FOXO1: variants seen among roughly 807,000 people sequenced by gnomAD.
FOXO1 encodes the protein forkhead box protein O1.
In FOXO1, 6 loss-of-function variants were observed where a neutral mutation model predicts 44.1. That is an observed-to-expected ratio of 0.14 (90% CI 0.07 to 0.27). FOXO1 has a LOEUF of 0.27. Ranked by LOEUF, FOXO1 falls within the 10% of genes least tolerant of loss-of-function variation. FOXO1 has a pLI of 1.00. For synonymous variants in FOXO1, 380 were observed against 362.7 expected (o/e 1.05, Z -0.54); for missense variants, 737 against 888.8 (o/e 0.83, Z 2.17).
chr13:40,583,210 C>T (rs1187422060), intron 1 of FOXO1, among the ~76,000 whole-genome samples: 4 of 152,152 alleles, frequency 2.6e-5, no homozygotes, highest in African/African-American at 7.2e-5. Context: ...ATTCAGTAAG[C>T]CATGCTGTAA....
At chr13:40,568,551 C>T (rs1021452085) in intron 1 of FOXO1, among the ~76,000 whole-genome samples, 2 of 152,178 alleles carry the variant, frequency 1.3e-5, no homozygotes. Flanking sequence ...CTTTTGCCAA[C>T]CCTTTTTTTA....
Position 40,666,205 on chromosome 13 carries a change from T to G in FOXO1, c.8A>C (p.Glu3Ala). The change falls in exon 1 of 3, where the codon GAG (glutamate) becomes GCG (alanine). Residue 3 changes from glutamate (E) to alanine (A), a missense_variant. By Grantham distance (107) the Glu-to-Ala change is moderately radical. This residue lies in a region of FOXO1 where 213 missense variants were observed against 236.4 expected (regional missense o/e 0.90). Coordinates refer to ENST00000379561, the MANE Select transcript of FOXO1 (RefSeq NM_002015.4). MA[E>A]APQVVEIDPD... The stretch of plus-strand genomic sequence containing the variant: ...GTCGATCTCCACCACCTGAGGCGCC[T>G]CGGCCATGGTGACCCCCGCCCCTCC... 7.0e-7 allele frequency: 1 copy of G among 1,432,404 alleles called. No individual in the cohort carries two copies. The highest frequency in any genetic ancestry group is 9.1e-7 in the Non-Finnish European group (1 of 1,093,902). The allele number at this position is 1,432,404 out of a possible 1,614,324, so 88.7% of individuals were successfully genotyped here. A position where few individuals can be genotyped will look rare whatever the true frequency, so the allele number is the denominator to read the frequency against.
chr13:40,584,996 G>A (rs1321008278), intron 1 of FOXO1, among the ~76,000 whole-genome samples: 1 of 152,196 alleles, frequency 6.6e-6, no homozygotes, highest in Non-Finnish European at 1.5e-5. Flanking sequence ...GGTAGATTCT[G>A]ATTTAACAAG....
Position 40,558,055 on chromosome 13 carries a change from T to C in FOXO1, c.*994A>G, listed in dbSNP as rs909477745. ...AATATGCAAGTACTAATTACAATGATTTAAGATTAGTCAGAAACATCACTA... is the reference window on the plus strand; with the variant it reads ...AATATGCAAGTACTAATTACAATGACTTAAGATTAGTCAGAAACATCACTA... On this transcript the variant is annotated 3_prime_UTR_variant, in exon 3 of 3. Transcript: ENST00000379561. 2 of 152,648 alleles carry C rather than the reference T, an allele frequency of 1.3e-5. No individual in the cohort carries two copies. Among genetic ancestry groups the C allele is most frequent in the South Asian group, 2.1e-4 (1 of 4,832 alleles). 9.5% of individuals were successfully genotyped at this position (152,648 alleles called of 1,614,324 possible).
At chr13:40,619,144 G>A (rs772091583) in intron 1 of FOXO1, 15 of 355,924 alleles carry the variant, frequency 4.2e-5, no homozygotes, top group Non-Finnish European at 6.5e-5. Context: ...AAAATTAGCC[G>A]GGTGTGGTGG....
At chr13:40,660,046 T>A (rs966904119) in intron 1 of FOXO1, among the ~76,000 whole-genome samples, 4 of 152,152 alleles carry the variant, frequency 2.6e-5, no homozygotes, top group African/African-American at 9.7e-5. Context: ...CCCTTAGGCA[T>A]CAAAATACAT....
At chr13:40,567,450 AAG>A (rs1251763347) in intron 1 of FOXO1, among the ~76,000 whole-genome samples, 1 of 152,130 alleles carries the variant, frequency 6.6e-6, no homozygotes, top group Non-Finnish European at 1.5e-5. Flanking sequence ...AGGAAAAATT[AAG>A]ACTCAGAAAA....
At chr13:40,559,415 G>T in intron 2 of FOXO1, 94 bp downstream of exon 2, 3 of 1,109,910 alleles carry the variant, frequency 2.7e-6, no homozygotes, top group Non-Finnish European at 3.8e-6. Flanking sequence ...ACAGTCAGTT[G>T]ACATCAAAGA....
At chr13:40,635,178 G>GT (rs1566081307) in intron 1 of FOXO1, among the ~76,000 whole-genome samples, 1 of 148,706 alleles carries the variant, frequency 6.7e-6, no homozygotes, top group East Asian at 2.0e-4. Context: ...CAAAGAAATC[G>GT]TAATACCTAG....
At chr13:40,612,645 G>C (rs1041956262) in intron 1 of FOXO1, among the ~76,000 whole-genome samples, 6 of 152,164 alleles carry the variant, frequency 3.9e-5, no homozygotes, top group African/African-American at 1.4e-4. Flanking sequence ...CCTTCCCTGA[G>C]CTTTCACTTT....
Position 40,560,653 on chromosome 13 carries a change from C to T in FOXO1, c.838G>A (p.Gly280Ser). The change falls in exon 2 of 3, where the codon GGC becomes AGC. Residue 280 changes from glycine (G) to serine (S), a missense_variant. Gly to Ser is a moderately conservative substitution (Grantham distance 56). This residue lies in a region of FOXO1 where 136 missense variants were observed against 186.4 expected (regional missense o/e 0.73). Coordinates refer to ENST00000379561, the MANE Select transcript of FOXO1 (RefSeq NM_002015.4). This position sits in a 1 kb window ranked among gnomAD's most constrained non-coding sequence, Gnocchi z 5.1. ...GGGCTGTCCCCAGCACCCTCCTGGC[C>T]AGACTGGAGAGATGCTTTCTTCTTG... ...AAKKKASLQS[G>S]QEGAGDSPGS... is the part of the protein sequence containing the mutation. 1 of 1,614,176 alleles carries T rather than the reference C, an allele frequency of 6.2e-7. No homozygotes were observed. The highest frequency in any genetic ancestry group is 8.5e-7 in the Non-Finnish European group (1 of 1,180,028).
rs778671061 is a variant in FOXO1, at chr13:40,584,502, G to GCT, written c.631-23643_631-23642insAG. ...AAAAAAAAAAAAAAAAAAAAAAAAAGCCAGATGCAGTGGCACGTGTCTATA... is the reference window on the plus strand; with the variant it reads ...AAAAAAAAAAAAAAAAAAAAAAAAAGCTCCAGATGCAGTGGCACGTGTCTATA... On this transcript the variant is annotated intron_variant, in intron 1 of 2. Coordinates refer to ENST00000379561, the MANE Select transcript of FOXO1 (RefSeq NM_002015.4). 3.6e-5 allele frequency among the ~76,000 whole-genome samples: 2 copies of GCT among 55,062 alleles called. 1 individual carries two copies. Among genetic ancestry groups the GCT allele is most frequent in the Non-Finnish European group, 7.2e-5 (2 of 27,968 alleles). The allele number at this position is 55,062 out of a possible 152,430, so 36.1% of individuals were successfully genotyped here. A position where few individuals can be genotyped will look rare whatever the true frequency, so the allele number is the denominator to read the frequency against.
At chr13:40,592,822 C>T (rs1483201149) in intron 1 of FOXO1, among the ~76,000 whole-genome samples, 1 of 152,180 alleles carries the variant, frequency 6.6e-6, no homozygotes, top group African/African-American at 2.4e-5. Context: ...CTATTGTCTT[C>T]CCAAGAAATG....
chr13:40,639,766 G>C (rs1877288536), intron 1 of FOXO1, among the ~76,000 whole-genome samples: 1 of 152,234 alleles, frequency 6.6e-6, no homozygotes, highest in Non-Finnish European at 1.5e-5. Flanking sequence ...AGAGGGACCA[G>C]CTGAGAACCA....
intron 1 of FOXO1, among the ~76,000 whole-genome samples, chr13:40,652,816 G>A (rs1183413432): frequency 6.6e-6 from 1 of 152,120 alleles, no homozygotes; most frequent in Non-Finnish European, 1.5e-5. Flanking sequence ...AATGTCTCAA[G>A]TATTTGACGT....
In FOXO1 at chr13:40,557,500, C is replaced by T. The variant is rs1387428126; in HGVS notation, c.*1549G>A. The T allele has an allele frequency of 3.3e-5, 5 of 152,236 alleles. No homozygotes were observed. Among genetic ancestry groups the T allele is most frequent in the Admixed American group, 1.3e-4 (2 of 15,286 alleles). The allele number at this position is 152,236 out of a possible 1,614,324, so 9.4% of individuals were successfully genotyped here. On this transcript the variant is annotated 3_prime_UTR_variant, in exon 3 of 3. Coordinates refer to ENST00000379561, the MANE Select transcript of FOXO1 (RefSeq NM_002015.4). Reference sequence around the variant, plus strand: ...AATCTCCCCAATTTTTAAGTAAGTTCTATTCCATTTGCTACCCATCTGAAC... The same window carrying T: ...AATCTCCCCAATTTTTAAGTAAGTTTTATTCCATTTGCTACCCATCTGAAC...
chr13:40,574,388 C>A (rs1398699166), intron 1 of FOXO1, among the ~76,000 whole-genome samples: 1 of 152,104 alleles, frequency 6.6e-6, no homozygotes, highest in East Asian at 1.9e-4. Flanking sequence ...TGTCTCCGTA[C>A]CAAATAACTG....
At chr13:40,620,924 G>A (rs139938551) in intron 1 of FOXO1, among the ~76,000 whole-genome samples, 4 of 149,280 alleles carry the variant, frequency 2.7e-5, no homozygotes, top group Non-Finnish European at 5.9e-5. Flanking sequence ...TCAGCCTCCC[G>A]AGTAGCTGGG....
At chr13:40,586,204 C>T (rs1184404555) in intron 1 of FOXO1, among the ~76,000 whole-genome samples, 2 of 152,132 alleles carry the variant, frequency 1.3e-5, no homozygotes, top group Admixed American at 6.5e-5. Flanking sequence ...ACATAAATGG[C>T]TAAGCACAGT....
Sources: gnomAD v4.1 joint callset for allele counts (sites outside exome capture counted in the v4.1 genomes callset) on GRCh38, gnomAD v4.1.1 for gene constraint, gnomAD v4.1.1 regional missense constraint, Gnocchi (gnomAD v3.1) non-coding constraint, MANE v1.5 for transcripts, NCBI Gene and HGNC (gene_info 2026-07-23, HGNC 2026-07-21) for gene names.